ABCA13: variants seen among roughly 807,000 people sequenced by gnomAD.
ABCA13 encodes the protein ATP binding cassette subfamily A member 13.
ABCA13 carries 476 observed loss-of-function variants against 478.7 expected under a neutral mutation model. The ratio of observed to expected loss-of-function variants is 0.99; its 90% CI spans 0.92 to 1.07. The LOEUF (loss-of-function observed/expected upper bound fraction) is 1.07. Among genes scored for constraint, ABCA13 ranks in the 50% least tolerant of loss-of-function variants. The probability of loss-of-function intolerance (pLI) is 0.00; values close to 1 mark genes in which losing one functional copy is unlikely to be tolerated. For missense variants in ABCA13, 6,060 were observed against 5,910.6 expected (o/e 1.03, Z -0.83); for synonymous variants, 2,252 against 2,158.9 (o/e 1.04, Z -1.20).
intron 57 of ABCA13, among the ~76,000 whole-genome samples, 193 bp from the exon 58 acceptor site, chr7:48,594,517 A>G (rs75933127): frequency 0.082 from 12,502 of 151,956 alleles, 624 homozygotes; most frequent in Admixed American, 0.15. Context: ...TCAGGCCCTC[A>G]CTCATTGCTC....
intron 39 of ABCA13, among the ~76,000 whole-genome samples, chr7:48,405,502 T>C (rs1244163653): frequency 1.3e-5 from 2 of 152,208 alleles, no homozygotes; most frequent in Non-Finnish European, 1.5e-5. Flanking sequence ...CTTCAAAAGA[T>C]TGATTAAATT....
intron 19 of ABCA13, among the ~76,000 whole-genome samples, chr7:48,284,054 G>A (rs1185319680): frequency 6.6e-6 from 1 of 152,198 alleles, no homozygotes; most frequent in Non-Finnish European, 1.5e-5. Flanking sequence ...AGTTGAAGAT[G>A]CATCTCCCTG....
At chr7:48,405,106 C>A (rs977816319) in intron 39 of ABCA13, among the ~76,000 whole-genome samples, 1 of 152,222 alleles carries the variant, frequency 6.6e-6, no homozygotes, top group Non-Finnish European at 1.5e-5. Context: ...CTTTTCATGC[C>A]CATGAACTTT....
At chr7:48,611,840 A>G (rs1792056398) in intron 58 of ABCA13, 1 of 152,190 alleles carries the variant, frequency 6.6e-6, no homozygotes, top group African/African-American at 2.4e-5. Flanking sequence ...TTAACATTCT[A>G]CCTCTTTAAT....
rs572186829 is a variant in ABCA13 at position 48,226,948 on chromosome 7, G to A, written c.469-314G>A. On this transcript the variant is annotated intron_variant, in intron 5 of 61. Coordinates refer to ENST00000435803, the MANE Select transcript of ABCA13 (RefSeq NM_152701.5). The stretch of plus-strand genomic sequence containing the variant: ...ATCCAGGATCTATGTCACAGACTTT[G>A]TTGCTTCAAAAACTGTAGAAGTTGG... Among the ~76,000 whole-genome samples, 22 of 152,112 alleles carry A rather than the reference G, an allele frequency of 1.4e-4. 1 individual carries two copies. The highest frequency in any genetic ancestry group is 7.8e-4 in the Admixed American group (12 of 15,288).
rs765932762 is a variant in ABCA13 at position 48,295,855 on chromosome 7, C to T, written c.9111C>T (p.His3037=). The T allele has an allele frequency of 1.9e-6, 3 of 1,611,168 alleles. No homozygotes were observed. Among genetic ancestry groups the T allele is most frequent in the Non-Finnish European group, 2.5e-6 (3 of 1,178,408 alleles). Residue 3037 remains histidine (H), a synonymous_variant, in exon 21 of 62, where the codon CAC becomes CAT. Coordinates refer to ENST00000435803, the MANE Select transcript of ABCA13 (RefSeq NM_152701.5). ...CGAGGCTGGAGACGGTGCAGCAGCA[C>T]TTGTACATGTATGCTCTGATATTCT... ...SQPRLETVQQ[H]LYMLAKSLEE... is the part of the protein sequence containing the mutation.
At chr7:48,198,098 G>T in intron 2 of ABCA13, 139 bp from the exon 3 acceptor site, 1 of 857,840 alleles carries the variant, frequency 1.2e-6, no homozygotes, top group South Asian at 2.8e-5. Flanking sequence ...TTTTGTCTGA[G>T]CCCTTAGATC....
intron 36 of ABCA13, among the ~76,000 whole-genome samples, chr7:48,388,429 G>A (rs1585114465): frequency 6.6e-6 from 1 of 152,308 alleles, no homozygotes; most frequent in Non-Finnish European, 1.5e-5. Flanking sequence ...TGGTTCTCAG[G>A]AGATAGGGGC....
chr7:48,321,349 G>T (rs1457945115), intron 27 of ABCA13, among the ~76,000 whole-genome samples: 1 of 152,168 alleles, frequency 6.6e-6, no homozygotes, highest in Non-Finnish European at 1.5e-5. Flanking sequence ...GCGGGTGGGA[G>T]CCCCTGGGAA....
chr7:48,319,936 C>T (rs1803185144), intron 27 of ABCA13, among the ~76,000 whole-genome samples: 3 of 152,242 alleles, frequency 2.0e-5, no homozygotes, highest in South Asian at 4.2e-4. Flanking sequence ...CGCCTCTGGG[C>T]TCTGATATCC....
intron 43 of ABCA13, among the ~76,000 whole-genome samples, chr7:48,461,042 T>A (rs998619726): frequency 6.6e-6 from 1 of 152,230 alleles, no homozygotes; most frequent in African/African-American, 2.4e-5. Flanking sequence ...CTTCACTTTG[T>A]TTCAGTAATT....
intron 59 of ABCA13, among the ~76,000 whole-genome samples, chr7:48,641,274 A>G (rs1795084960): frequency 6.6e-6 from 1 of 152,210 alleles, no homozygotes; most frequent in African/African-American, 2.4e-5. Flanking sequence ...GTATTTTTAT[A>G]TAATGCTTCC....
At chr7:48,431,895 C>G (rs922425839) in intron 42 of ABCA13, among the ~76,000 whole-genome samples, 19 of 152,136 alleles carry the variant, frequency 1.2e-4, no homozygotes, top group Non-Finnish European at 2.5e-4. Context: ...TTTGAAATAA[C>G]CTCTTCTGTA....
chr7:48,254,237 T>G (rs1236027455), intron 15 of ABCA13, among the ~76,000 whole-genome samples: 1 of 152,082 alleles, frequency 6.6e-6, no homozygotes, highest in African/African-American at 2.4e-5. Flanking sequence ...TCCTATTTTT[T>G]TCCCCAATTC....
intron 3 of ABCA13, among the ~76,000 whole-genome samples, chr7:48,217,655 A>G (rs1466823631): frequency 6.6e-6 from 1 of 152,206 alleles, no homozygotes. Flanking sequence ...GACCTGAATA[A>G]TGATTTCCAA....
intron 58 of ABCA13, among the ~76,000 whole-genome samples, chr7:48,611,633 CAG>C (rs2131545922): frequency 6.6e-6 from 1 of 152,254 alleles, no homozygotes; most frequent in East Asian, 1.9e-4. Flanking sequence ...TTTAAACAAA[CAG>C]ATCTCACAAG....
At chr7:48,222,467 T>C (rs1309237389) in intron 5 of ABCA13, among the ~76,000 whole-genome samples, 1 of 152,198 alleles carries the variant, frequency 6.6e-6, no homozygotes, top group African/African-American at 2.4e-5. Flanking sequence ...TTATGTATAA[T>C]ACAAGGGAAA....
intron 49 of ABCA13, among the ~76,000 whole-genome samples, chr7:48,506,975 G>T (rs1294936422): frequency 6.6e-6 from 1 of 152,112 alleles, no homozygotes; most frequent in Non-Finnish European, 1.5e-5. Flanking sequence ...GGGTATTTTT[G>T]AAAAACTTTT....
intron 47 of ABCA13, among the ~76,000 whole-genome samples, chr7:48,488,872 A>C (rs926738786): frequency 2.0e-5 from 3 of 151,938 alleles, no homozygotes; most frequent in African/African-American, 4.8e-5. Flanking sequence ...TTTTTTTCTG[A>C]TAATCTTCCA....
Sources: gnomAD v4.1 joint callset for allele counts (sites outside exome capture counted in the v4.1 genomes callset) on GRCh38, gnomAD v4.1.1 for gene constraint, MANE v1.5 for transcripts, NCBI Gene and HGNC (gene_info 2026-07-23, HGNC 2026-07-21) for gene names.